RERE: variants seen among roughly 807,000 people sequenced by gnomAD.
RERE encodes the protein arginine-glutamic acid dipeptide repeats.
A neutral mutation model predicts 146.1 loss-of-function variants in RERE; 40 were observed. That is an observed-to-expected ratio of 0.27 (90% CI 0.21 to 0.36). The LOEUF (loss-of-function observed/expected upper bound fraction) is 0.36. Ranked by LOEUF, RERE falls within the 10% of genes least tolerant of loss-of-function variation. RERE has a pLI of 1.00. For synonymous variants in RERE, 1,003 were observed against 866.0 expected, an observed-to-expected ratio of 1.16 and a Z score of -2.78; for missense variants, 1,933 against 2,138.7, an observed-to-expected ratio of 0.90 and a Z score of 1.90.
intron 11 of RERE, among the ~76,000 whole-genome samples, chr1:8,464,448 A>T (rs1644568864): frequency 6.6e-6 from 1 of 151,968 alleles, no homozygotes; most frequent in African/African-American, 2.4e-5. Context: ...CAACCCCCAG[A>T]GACCACCGGA....
Position 8,590,307 on chromosome 1 carries a change from A to G in RERE, c.522+24254T>C, listed in dbSNP as rs768982080. 7.2e-5 allele frequency among the ~76,000 whole-genome samples: 11 copies of G among 152,332 alleles called. No individual in the cohort carries two copies. The South Asian group carries it at 1.5e-3, about 20-fold the overall frequency. ...AGAATAGGTGCCATTCGAACACCTGACAAAAAATGAGTCAACCACTCAGGG... is the reference window on the plus strand; with the variant it reads ...AGAATAGGTGCCATTCGAACACCTGGCAAAAAATGAGTCAACCACTCAGGG... On this transcript the variant is annotated intron_variant, in intron 4 of 22. Transcript: ENST00000400908.
intron 11 of RERE, among the ~76,000 whole-genome samples, chr1:8,433,735 T>C (rs1014785820): frequency 3.1e-4 from 47 of 151,774 alleles, no homozygotes; most frequent in Non-Finnish European, 2.7e-4. Context: ...TAATTTTTTG[T>C]ATTTTTAGTA....
chr1:8,365,680 A>G, intron 13 of RERE, 132 bp downstream of exon 13: 1 of 963,974 alleles, frequency 1.0e-6, no homozygotes, highest in East Asian at 2.5e-5. Context: ...CAGGCTTCAC[A>G]CATGCACTGG....
intron 2 of RERE, among the ~76,000 whole-genome samples, chr1:8,636,185 A>T (rs1449230583): frequency 1.3e-5 from 2 of 152,140 alleles, no homozygotes. Flanking sequence ...ACAGGGTTTC[A>T]CCTTGTTGGT....
chr1:8,705,005 G>C (rs1417467546), intron 1 of RERE, among the ~76,000 whole-genome samples: 1 of 152,210 alleles, frequency 6.6e-6, no homozygotes, highest in East Asian at 1.9e-4. Context: ...TGTCAGAGAT[G>C]AAATTGATCC....
At chr1:8,504,455 G>A (rs1645222385) in intron 8 of RERE, among the ~76,000 whole-genome samples, 1 of 152,184 alleles carries the variant, frequency 6.6e-6, no homozygotes, top group Non-Finnish European at 1.5e-5. Context: ...TGGTAACCAT[G>A]GAAAGATAAG....
chr1:8,746,953 T>C (rs143485549), intron 1 of RERE, among the ~76,000 whole-genome samples: 15 of 149,582 alleles, frequency 1.0e-4, no homozygotes, highest in African/African-American at 2.2e-4. Context: ...CAAGATGGCA[T>C]TGTGAAAGGT....
chr1:8,459,489 T>C (rs72636943), intron 11 of RERE, among the ~76,000 whole-genome samples: 59 of 152,342 alleles, frequency 3.9e-4, no homozygotes, highest in African/African-American at 1.1e-3. Context: ...AGTAGATACA[T>C]TGTATCTATA....
At chr1:8,537,872 A>G (rs990665480) in intron 7 of RERE, among the ~76,000 whole-genome samples, 1 of 152,248 alleles carries the variant, frequency 6.6e-6, no homozygotes, top group Non-Finnish European at 1.5e-5. Flanking sequence ...AGAAAAAAAT[A>G]AAATGAAGCT....
At chr1:8,774,032 G>A (rs1301533420) in intron 1 of RERE, among the ~76,000 whole-genome samples, 1 of 152,140 alleles carries the variant, frequency 6.6e-6, no homozygotes, top group East Asian at 1.9e-4. Context: ...TCATAATCCA[G>A]GGTGATGGCA....
At chr1:8,729,892 A>AAGAGCT (rs1429663202) in intron 1 of RERE, among the ~76,000 whole-genome samples, 4 of 152,228 alleles carry the variant, frequency 2.6e-5, no homozygotes, top group Non-Finnish European at 5.9e-5. Flanking sequence ...AGACTGAATG[A>AAGAGCT]AGAGCTCTAA....
chr1:8,739,004 A>G (rs1479595577), intron 1 of RERE, among the ~76,000 whole-genome samples: 4 of 152,170 alleles, frequency 2.6e-5, no homozygotes, highest in Admixed American at 6.5e-5. Flanking sequence ...CTCTCTCTTT[A>G]TGATTCTAAC....
intron 1 of RERE, among the ~76,000 whole-genome samples, chr1:8,659,270 T>G (rs1638401403): frequency 6.6e-6 from 1 of 152,102 alleles, no homozygotes; most frequent in Admixed American, 6.5e-5. Context: ...GAAAGAAAAC[T>G]ATCAGGCCAG....
chr1:8,567,425 CTA>C (rs1646166094), intron 4 of RERE, among the ~76,000 whole-genome samples: 2 of 152,196 alleles, frequency 1.3e-5, no homozygotes, highest in African/African-American at 4.8e-5. Context: ...GATGATGTAA[CTA>C]TGAATGTACT....
intron 10 of RERE, among the ~76,000 whole-genome samples, chr1:8,487,655 C>G (rs1301023065): frequency 2.0e-5 from 3 of 152,108 alleles, no homozygotes; most frequent in African/African-American, 7.2e-5. Flanking sequence ...ATAATGTCCA[C>G]TCTCATCACT....
At chr1:8,632,492 C>A (rs1018901250) in intron 2 of RERE, among the ~76,000 whole-genome samples, 1 of 151,678 alleles carries the variant, frequency 6.6e-6, no homozygotes, top group Non-Finnish European at 1.5e-5. Flanking sequence ...AATCCATTTT[C>A]TTTACAGGTT....
chr1:8,719,030 T>C (rs1639812290), intron 1 of RERE, among the ~76,000 whole-genome samples: 2 of 152,148 alleles, frequency 1.3e-5, no homozygotes, highest in Admixed American at 1.3e-4. Flanking sequence ...AATTCATTAT[T>C]TGTCTGTGAA....
chr1:8,631,638 T>C (rs1647036514), intron 2 of RERE, among the ~76,000 whole-genome samples: 1 of 152,204 alleles, frequency 6.6e-6, no homozygotes, highest in South Asian at 2.1e-4. Flanking sequence ...GTAAGCACTC[T>C]CATCTCCTTA....
At chr1:8,731,736 GA>G (rs1640088911) in intron 1 of RERE, among the ~76,000 whole-genome samples, 2 of 152,226 alleles carry the variant, frequency 1.3e-5, no homozygotes, top group East Asian at 1.9e-4. Flanking sequence ...CAGCAAACAT[GA>G]AGCACAGTAT....
Sources: allele counts gnomAD v4.1 joint callset (sites outside exome capture counted in the v4.1 genomes callset), GRCh38; gene constraint gnomAD v4.1.1; transcripts MANE v1.5; gene names NCBI Gene and HGNC (gene_info 2026-07-23, HGNC 2026-07-21).